FER1L6: variants seen among roughly 807,000 people sequenced by gnomAD.
FER1L6 encodes the protein fer-1-like protein 6.
A neutral mutation model predicts 219.2 loss-of-function variants in FER1L6; 177 were observed. The ratio of observed to expected loss-of-function variants is 0.81; its 90% CI spans 0.71 to 0.91. The LOEUF (loss-of-function observed/expected upper bound fraction) is 0.91. FER1L6 is among the 40% of genes least tolerant of loss of function. The pLI is 0.00. For synonymous variants in FER1L6, 768 were observed against 824.3 expected, an observed-to-expected ratio of 0.93 and a Z score of 1.17; for missense variants, 2,153 against 2,259.9, an observed-to-expected ratio of 0.95 and a Z score of 0.96.
chr8:124,017,888 A>T (rs1018187253), intron 16 of FER1L6, among the ~76,000 whole-genome samples, 170 bp downstream of exon 16: 4 of 152,244 alleles, frequency 2.6e-5, no homozygotes, highest in Admixed American at 2.6e-4. Flanking sequence ...ATGAACATTT[A>T]TTGAAGGTTT....
intron 12 of FER1L6, among the ~76,000 whole-genome samples, chr8:124,000,719 G>A (rs1346206756): frequency 6.6e-6 from 1 of 152,188 alleles, no homozygotes; most frequent in Non-Finnish European, 1.5e-5. Flanking sequence ...AACTGGGAAA[G>A]CCATTCCCAG....
chr8:124,118,389 G>C (rs966881803), intron 39 of FER1L6, among the ~76,000 whole-genome samples: 4 of 152,172 alleles, frequency 2.6e-5, no homozygotes, highest in African/African-American at 9.7e-5. Context: ...ACAACCAAAA[G>C]AATGAAGAGT....
intron 7 of FER1L6, among the ~76,000 whole-genome samples, chr8:123,974,029 G>T (rs910988320): frequency 2.0e-5 from 3 of 152,174 alleles, no homozygotes; most frequent in South Asian, 2.1e-4. Flanking sequence ...TTATACAAAG[G>T]ATTTGCTGTA....
intron 21 of FER1L6, among the ~76,000 whole-genome samples, chr8:124,048,665 T>C (rs1038824831): frequency 1.3e-5 from 2 of 152,260 alleles, no homozygotes; most frequent in Non-Finnish European, 2.9e-5. Flanking sequence ...GGCACTTGTA[T>C]ACCAGTCCCT....
intron 33 of FER1L6, among the ~76,000 whole-genome samples, chr8:124,083,600 T>C (rs1290866694): frequency 2.7e-5 from 4 of 149,910 alleles, no homozygotes; most frequent in African/African-American, 7.4e-5. Context: ...AAAAGAACTA[T>C]AAAAAGACAA....
At chr8:123,946,414 G>A (rs1245454687) in intron 1 of FER1L6, among the ~76,000 whole-genome samples, 1 of 152,032 alleles carries the variant, frequency 6.6e-6, no homozygotes, top group African/African-American at 2.4e-5. Context: ...ACCACACCCA[G>A]CTAATTTTTT....
At chr8:124,010,864 T>G in intron 14 of FER1L6, 150 bp downstream of exon 14, 1 of 1,137,722 alleles carries the variant, frequency 8.8e-7, no homozygotes, top group Non-Finnish European at 1.2e-6. Context: ...GATCCTACTA[T>G]GCAAATCTAG....
intron 1 of FER1L6, among the ~76,000 whole-genome samples, chr8:123,898,743 T>C (rs540850260): frequency 3.6e-5 from 5 of 140,814 alleles, no homozygotes; most frequent in South Asian, 2.2e-4. Flanking sequence ...TATATATACA[T>C]ATATACTATA....
At chr8:123,976,890 C>G (rs2130306391) in intron 9 of FER1L6, among the ~76,000 whole-genome samples, 1 of 152,330 alleles carries the variant, frequency 6.6e-6, no homozygotes, top group East Asian at 1.9e-4. Context: ...GAGATTAACC[C>G]TGGTTGGCTG....
At chr8:123,929,535 C>T (rs538657820) in intron 1 of FER1L6, among the ~76,000 whole-genome samples, 1 of 152,330 alleles carries the variant, frequency 6.6e-6, no homozygotes, top group South Asian at 2.1e-4. Flanking sequence ...AGGAAGTCTG[C>T]ATCAAGGAAG....
At chr8:124,105,537 G>A (rs984830132) in intron 39 of FER1L6, among the ~76,000 whole-genome samples, 2 of 152,210 alleles carry the variant, frequency 1.3e-5, no homozygotes, top group East Asian at 3.8e-4. Context: ...AGAAAAAAGA[G>A]TAAAAATGTG....
At chr8:123,972,595 T>C (rs1815867970) in intron 6 of FER1L6, among the ~76,000 whole-genome samples, 1 of 152,214 alleles carries the variant, frequency 6.6e-6, no homozygotes, top group Admixed American at 6.5e-5. Flanking sequence ...GCTCATTCCA[T>C]TGCTGGGAAG....
intron 1 of FER1L6, among the ~76,000 whole-genome samples, chr8:123,880,478 T>G (rs535622213): frequency 6.6e-6 from 1 of 152,336 alleles, no homozygotes; most frequent in Admixed American, 6.5e-5. Flanking sequence ...CTCCCAGTTT[T>G]GCAGAGAAGA....
chr8:124,000,728 A>C (rs900379427), intron 12 of FER1L6, among the ~76,000 whole-genome samples: 9 of 152,234 alleles, frequency 5.9e-5, no homozygotes, highest in Non-Finnish European at 1.2e-4. Context: ...AGCCATTCCC[A>C]GAAAGAGCAT....
chr8:123,948,386 T>C (rs894887450), intron 1 of FER1L6, among the ~76,000 whole-genome samples: 1 of 152,238 alleles, frequency 6.6e-6, no homozygotes, highest in Non-Finnish European at 1.5e-5. Flanking sequence ...AGTGTATGAA[T>C]TGAAAATTTT....
intron 28 of FER1L6, among the ~76,000 whole-genome samples, chr8:124,069,144 G>A (rs980574165): frequency 1.3e-5 from 2 of 151,928 alleles, no homozygotes; most frequent in Non-Finnish European, 2.9e-5. Flanking sequence ...CACCGTGTTA[G>A]CCAGGATGGT....
chr8:123,912,617 A>AT (rs1368350750), intron 1 of FER1L6, among the ~76,000 whole-genome samples: 2 of 152,098 alleles, frequency 1.3e-5, no homozygotes, highest in Admixed American at 6.5e-5. Context: ...TATGCAGTAA[A>AT]TTTTTATCAT....
chr8:123,953,246 G>A (rs1466346802), intron 1 of FER1L6, among the ~76,000 whole-genome samples: 1 of 152,182 alleles, frequency 6.6e-6, no homozygotes, highest in Non-Finnish European at 1.5e-5. Flanking sequence ...AACCTTGTGT[G>A]TTTGTGATAC....
intron 33 of FER1L6, among the ~76,000 whole-genome samples, chr8:124,084,776 C>T (rs2130922538): frequency 6.6e-6 from 1 of 152,224 alleles, no homozygotes; most frequent in South Asian, 2.1e-4. Flanking sequence ...CAGGGTAATA[C>T]TGGCCTTGTA....
Sources: allele counts gnomAD v4.1 joint callset (sites outside exome capture counted in the v4.1 genomes callset), GRCh38; gene constraint gnomAD v4.1.1; transcripts MANE v1.5; gene names NCBI Gene and HGNC (gene_info 2026-07-23, HGNC 2026-07-21).